Variants in CNTNAP5 observed in about 807,000 individuals in gnomAD.
CNTNAP5 encodes the protein contactin associated protein family member 5, also known as contactin-associated protein-like 5.
CNTNAP5 carries 72 observed loss-of-function variants against 150.2 expected under a neutral mutation model. The observed-to-expected ratio is 0.48, with a 90% CI of 0.40 to 0.58. CNTNAP5 has a LOEUF of 0.58. Ranked by LOEUF, CNTNAP5 falls within the 20% of genes least tolerant of loss-of-function variation. CNTNAP5 has a pLI of 0.00. For synonymous variants in CNTNAP5, 672 were observed against 619.8 expected (o/e 1.08, Z -1.25); for missense variants, 1,636 against 1,626.2 (o/e 1.01, Z -0.10).
rs565686257 is a variant in CNTNAP5, at chr2:124,617,672, G to A, written c.1876+7752G>A. Among the ~76,000 whole-genome samples the A allele has an allele frequency of 2.0e-5, 3 of 152,250 alleles. No homozygotes were observed. In the South Asian group the frequency reaches 6.2e-4, roughly 32 times the overall value. ...CCAAATAGATTACATTCACAGGTACGGAGGGTTAGGACTTCAATATATTAT... is the reference window on the plus strand; with the variant it reads ...CCAAATAGATTACATTCACAGGTACAGAGGGTTAGGACTTCAATATATTAT... On this transcript the variant is annotated intron_variant, in intron 12 of 23. Transcript: ENST00000682447.
intron 9 of CNTNAP5, among the ~76,000 whole-genome samples, chr2:124,526,425 C>T (rs77147399): frequency 0.016 from 2,478 of 152,224 alleles, 49 homozygotes; most frequent in African/African-American, 0.054. Context: ...CTATTAGAGA[C>T]GGCTGAAATA....
chr2:124,286,087 C>T (rs780690097), intron 3 of CNTNAP5, among the ~76,000 whole-genome samples: 4 of 152,078 alleles, frequency 2.6e-5, no homozygotes, highest in Non-Finnish European at 5.9e-5. Context: ...ATTTTGATAA[C>T]AGAACACTAA....
chr2:124,794,056 G>T (rs1371419976), intron 18 of CNTNAP5, among the ~76,000 whole-genome samples: 1 of 151,984 alleles, frequency 6.6e-6, no homozygotes, highest in Non-Finnish European at 1.5e-5. Context: ...TTATATTCTG[G>T]ATTTTCTTTA....
At chr2:124,419,949 TTTC>T (rs1558894019) in intron 4 of CNTNAP5, among the ~76,000 whole-genome samples, 115 of 103,358 alleles carry the variant, frequency 1.1e-3, no homozygotes, top group African/African-American at 2.4e-3. Context: ...TCTTTCTTTC[TTTC>T]TTTCCTTTTC....
chr2:124,740,059 C>T (rs544309125), intron 13 of CNTNAP5, among the ~76,000 whole-genome samples: 2 of 150,522 alleles, frequency 1.3e-5, no homozygotes, highest in East Asian at 1.9e-4. Context: ...CACATCATTA[C>T]ATTTAATTAT....
intron 19 of CNTNAP5, among the ~76,000 whole-genome samples, chr2:124,853,832 T>A (rs1677284756): frequency 6.6e-6 from 1 of 152,158 alleles, no homozygotes; most frequent in Non-Finnish European, 1.5e-5. Flanking sequence ...ACGTAGGCCC[T>A]GGCATCTTTT....
intron 1 of CNTNAP5, among the ~76,000 whole-genome samples, chr2:124,197,753 G>T (rs1017497886): frequency 6.6e-6 from 1 of 152,064 alleles, no homozygotes; most frequent in African/African-American, 2.4e-5. Context: ...AGCCTGAGGC[G>T]GGCGGATCAC....
intron 20 of CNTNAP5, among the ~76,000 whole-genome samples, chr2:124,867,281 T>A (rs931754805): frequency 2.6e-5 from 4 of 152,224 alleles, no homozygotes; most frequent in African/African-American, 9.6e-5. Context: ...CTTATCTGAC[T>A]TCTTACAGTG....
At chr2:124,453,329 G>A (rs1325433021) in intron 6 of CNTNAP5, among the ~76,000 whole-genome samples, 1 of 151,764 alleles carries the variant, frequency 6.6e-6, no homozygotes, top group African/African-American at 2.4e-5. Context: ...TCCAACAAAG[G>A]CAAAGAAAAT....
chr2:124,352,406 A>G (rs1162722830), intron 3 of CNTNAP5, among the ~76,000 whole-genome samples: 1 of 152,212 alleles, frequency 6.6e-6, no homozygotes, highest in East Asian at 1.9e-4. Flanking sequence ...AAGTGAGTTA[A>G]GTAGTTTATG....
intron 1 of CNTNAP5, among the ~76,000 whole-genome samples, chr2:124,116,355 TAGGAAGTGAAGA>T (rs1160539160): frequency 6.6e-6 from 1 of 152,180 alleles, no homozygotes; most frequent in Non-Finnish European, 1.5e-5. Flanking sequence ...TTACTTTCTG[TAGGAAGTGAAGA>T]AGGGTATCGG....
At chr2:124,518,636 C>T (rs1694783660) in intron 8 of CNTNAP5, among the ~76,000 whole-genome samples, 1 of 152,064 alleles carries the variant, frequency 6.6e-6, no homozygotes, top group African/African-American at 2.4e-5. Flanking sequence ...TTCATAGCAG[C>T]ATTATTCTTA....
intron 19 of CNTNAP5, among the ~76,000 whole-genome samples, chr2:124,805,003 G>A (rs1682051906): frequency 6.7e-6 from 1 of 149,368 alleles, no homozygotes; most frequent in Non-Finnish European, 1.5e-5. Context: ...ACTCCTCTTT[G>A]TATGAAATAC....
chr2:124,758,214 G>C (rs1680882169), intron 14 of CNTNAP5, among the ~76,000 whole-genome samples: 1 of 151,996 alleles, frequency 6.6e-6, no homozygotes, highest in Non-Finnish European at 1.5e-5. Flanking sequence ...TTAAGAGTGA[G>C]GGAGGAAGTA....
At chr2:124,859,609 C>T (rs555821915) in intron 19 of CNTNAP5, among the ~76,000 whole-genome samples, 8 of 152,146 alleles carry the variant, frequency 5.3e-5, no homozygotes, top group Non-Finnish European at 1.2e-4. Context: ...CACATGAACA[C>T]GTATGTTTAT....
At chr2:124,433,238 G>A (rs893554398) in intron 4 of CNTNAP5, among the ~76,000 whole-genome samples, 1 of 152,178 alleles carries the variant, frequency 6.6e-6, no homozygotes, top group African/African-American at 2.4e-5. Flanking sequence ...GTAGGGAGGG[G>A]AGGTGCTGAG....
chr2:124,185,301 AC>A (rs1685308729), intron 1 of CNTNAP5, among the ~76,000 whole-genome samples: 1 of 152,132 alleles, frequency 6.6e-6, no homozygotes, highest in African/African-American at 2.4e-5. Flanking sequence ...TGGCTTGTGA[AC>A]TCATATTGCC....
intron 1 of CNTNAP5, among the ~76,000 whole-genome samples, chr2:124,096,894 G>A (rs1372065030): frequency 6.7e-6 from 1 of 149,396 alleles, no homozygotes; most frequent in Non-Finnish European, 1.5e-5. Flanking sequence ...AGTAGAGACG[G>A]GGTTTCACCG....
chr2:124,095,962 A>G (rs1682925093), intron 1 of CNTNAP5, among the ~76,000 whole-genome samples: 1 of 152,234 alleles, frequency 6.6e-6, no homozygotes, highest in Admixed American at 6.5e-5. Context: ...ATTGCTCAAC[A>G]TTGCATAGTG....
Sources: gnomAD v4.1 joint callset for allele counts (sites outside exome capture counted in the v4.1 genomes callset) on GRCh38, gnomAD v4.1.1 for gene constraint, MANE v1.5 for transcripts, NCBI Gene and HGNC (gene_info 2026-07-23, HGNC 2026-07-21) for gene names.